DYNLT2B: variants seen among roughly 807,000 people sequenced by gnomAD.
DYNLT2B encodes dynein light chain Tctex-type 2B, also known as dynein light chain Tctex-type protein 2B.
A neutral mutation model predicts 19.5 loss-of-function variants in DYNLT2B; 14 were observed. The observed-to-expected ratio is 0.72, with a 90% CI of 0.47 to 1.12. The LOEUF (loss-of-function observed/expected upper bound fraction) is 1.12. Among genes scored for constraint, DYNLT2B ranks in the 50% most tolerant of loss-of-function variants. The pLI, the probability that DYNLT2B is intolerant of heterozygous loss-of-function variation, is 0.00. For synonymous variants in DYNLT2B, 70 were observed against 59.7 expected (o/e 1.17, Z -0.79); for missense variants, 133 against 174.7 (o/e 0.76, Z 1.35).
At chr3:196,295,915 C>A in intron 4 of DYNLT2B, 91 bp downstream of exon 4, 3 of 1,022,086 alleles carry the variant, frequency 2.9e-6, no homozygotes, top group South Asian at 2.8e-5. Flanking sequence ...ACTAAGACAG[C>A]AGTGTCTTTC....
At chr3:196,305,043 C>T (rs754501962) in intron 3 of DYNLT2B, among the ~76,000 whole-genome samples, 4 of 152,038 alleles carry the variant, frequency 2.6e-5, no homozygotes, top group South Asian at 2.1e-4. Context: ...CCACCATGCC[C>T]GGCTAATTTT....
intron 2 of DYNLT2B, among the ~76,000 whole-genome samples, chr3:196,315,062 G>A (rs1726744120): frequency 6.6e-6 from 1 of 151,918 alleles, no homozygotes; most frequent in Non-Finnish European, 1.5e-5. Context: ...GTACTTTCTG[G>A]TCTTTCTGAA....
intron 2 of DYNLT2B, among the ~76,000 whole-genome samples, chr3:196,314,840 A>AC (rs1275064733): frequency 1.3e-5 from 2 of 152,038 alleles, no homozygotes; most frequent in African/African-American, 4.8e-5. Flanking sequence ...ACAAAACAAA[A>AC]AAAAACAAAA....
intron 4 of DYNLT2B, chr3:196,292,664 T>C (rs1726119587): frequency 6.6e-6 from 1 of 152,180 alleles, no homozygotes; most frequent in Non-Finnish European, 1.5e-5. Context: ...ATCATGGACC[T>C]GTAACAAACA....
At chr3:196,317,315 T>C (rs113906084) in intron 1 of DYNLT2B, among the ~76,000 whole-genome samples, 677 of 66,056 alleles carry the variant, frequency 0.01, 11 homozygotes, top group East Asian at 0.046. Flanking sequence ...TTAGTGATCT[T>C]ACAAACCTAG....
intron 3 of DYNLT2B, among the ~76,000 whole-genome samples, chr3:196,299,504 T>A (rs564021060): frequency 8.5e-4 from 130 of 152,150 alleles, no homozygotes; most frequent in Admixed American, 1.4e-3. Flanking sequence ...ATTACAGGAG[T>A]GAGCCACTGT....
chr3:196,293,935 G>A (rs1560185245), intron 4 of DYNLT2B, among the ~76,000 whole-genome samples: 1 of 151,250 alleles, frequency 6.6e-6, no homozygotes. Context: ...GAGCCACCGT[G>A]CCTGGCAAAA....
chr3:196,299,728 G>C (rs1577387795), intron 3 of DYNLT2B, among the ~76,000 whole-genome samples: 1 of 151,618 alleles, frequency 6.6e-6, no homozygotes, highest in Non-Finnish European at 1.5e-5. Context: ...TCAGGAGATC[G>C]AGACCATCCT....
intron 4 of DYNLT2B, among the ~76,000 whole-genome samples, chr3:196,295,058 C>T (rs1476064159): frequency 6.6e-6 from 1 of 151,942 alleles, no homozygotes; most frequent in African/African-American, 2.4e-5. Context: ...TCTTAATTTA[C>T]TCAATCTAGT....
At chr3:196,294,779 A>T (rs1726181602) in intron 4 of DYNLT2B, among the ~76,000 whole-genome samples, 1 of 152,044 alleles carries the variant, frequency 6.6e-6, no homozygotes. Flanking sequence ...TCTGCTGCCC[A>T]GGCTGGAATG....
chr3:196,296,249 G>GA (rs1326402344), intron 3 of DYNLT2B, 180 bp from the exon 4 acceptor site: 1 of 553,026 alleles, frequency 1.8e-6, no homozygotes, highest in African/African-American at 1.9e-5. Flanking sequence ...GTAAACCGGA[G>GA]AAACTAGAGT....
intron 3 of DYNLT2B, among the ~76,000 whole-genome samples, chr3:196,299,582 T>A (rs1428882283): frequency 6.6e-6 from 1 of 151,846 alleles, no homozygotes; most frequent in African/African-American, 2.4e-5. Context: ...GAAGATCCCA[T>A]AAAAAAGGAG....
At position 196,318,194 on chromosome 3, in the gene DYNLT2B, T is replaced by A; in HGVS notation, c.-42A>T. 1 of 1,260,120 alleles carries A rather than the reference T, an allele frequency of 7.9e-7. No homozygotes were observed. The highest frequency in any genetic ancestry group is 1.1e-6 in the Non-Finnish European group (1 of 936,118). 78.1% of individuals were successfully genotyped at this position (1,260,120 alleles called of 1,614,324 possible). On this transcript the variant is annotated 5_prime_UTR_variant, in exon 1 of 5. Transcript: ENST00000325318. ...CCGGGCGTAGCTCGCGATGAAGGCC[T>A]AGCGGGTTGCGGTCGCGGCCGGCAG...
intron 3 of DYNLT2B, chr3:196,298,227 G>C (rs1726269439): frequency 3.6e-6 from 1 of 281,638 alleles, no homozygotes; most frequent in Non-Finnish European, 7.1e-6. Flanking sequence ...ACAAGAAGCA[G>C]AATCAAGCAC....
rs1726226056 is a variant in DYNLT2B at position 196,296,519 on chromosome 3, A to G, written c.318-450T>C. Among the ~76,000 whole-genome samples the G allele has an allele frequency of 3.9e-5, 6 of 152,328 alleles. No individual in the cohort carries two copies. The South Asian group carries it at 1.2e-3, about 32-fold the overall frequency. On this transcript the variant is annotated intron_variant, in intron 3 of 4. Coordinates refer to ENST00000325318, the MANE Select transcript of DYNLT2B (RefSeq NM_152773.5). ...TCTAACGAATTATAACTCCAAAAAT[A>G]TCTCTACAGAATGCTAAACTACCTT...
intron 2 of DYNLT2B, among the ~76,000 whole-genome samples, chr3:196,309,410 C>T (rs1726574674): frequency 6.6e-6 from 1 of 152,024 alleles, no homozygotes; most frequent in Non-Finnish European, 1.5e-5. Context: ...GGATTACAGG[C>T]ATGAACCACC....
At chr3:196,306,863 TC>T in intron 3 of DYNLT2B, 79 bp downstream of exon 3, 1 of 1,321,154 alleles carries the variant, frequency 7.6e-7, no homozygotes, top group South Asian at 1.2e-5. Context: ...GTAAAGGCAC[TC>T]TTACTGAATT....
At chr3:196,297,666 C>A (rs556866176) in intron 3 of DYNLT2B, among the ~76,000 whole-genome samples, 1 of 152,118 alleles carries the variant, frequency 6.6e-6, no homozygotes, top group Non-Finnish European at 1.5e-5. Context: ...AAGTGTTTTA[C>A]GTGTATTAAC....
chr3:196,313,283 C>T (rs1010327096), intron 2 of DYNLT2B, among the ~76,000 whole-genome samples: 3 of 151,720 alleles, frequency 2.0e-5, no homozygotes, highest in African/African-American at 7.3e-5. Context: ...CTGCAATCTC[C>T]GTCCCTGGGC....
Sources: allele counts gnomAD v4.1 joint callset (sites outside exome capture counted in the v4.1 genomes callset), GRCh38; gene constraint gnomAD v4.1.1; transcripts MANE v1.5; gene names NCBI Gene and HGNC (gene_info 2026-07-23, HGNC 2026-07-21).